Variants in TMC2 observed in about 807,000 individuals in gnomAD.
TMC2 encodes transmembrane channel like 2.
TMC2 carries 102 observed loss-of-function variants against 105.9 expected under a neutral mutation model. The observed-to-expected ratio is 0.96, with a 90% CI of 0.82 to 1.14. TMC2 has a LOEUF of 1.14. Among genes scored for constraint, TMC2 ranks in the 50% most tolerant of loss-of-function variants. TMC2 has a pLI of 0.00. For missense variants in TMC2, 1,093 were observed against 1,134.3 expected, an observed-to-expected ratio of 0.96 and a Z score of 0.52; for synonymous variants, 402 against 422.8, an observed-to-expected ratio of 0.95 and a Z score of 0.60.
Position 2,617,078 on chromosome 20 carries a change from C to T in TMC2, c.1947C>T (p.Gly649=), listed in dbSNP as rs544224079. The T allele has an allele frequency of 7.4e-6, 12 of 1,614,182 alleles. No homozygotes were observed. Among genetic ancestry groups the T allele is most frequent in the South Asian group, 5.5e-5 (5 of 91,080 alleles). ...LIFNQGMIWM[G]SFYAPGLVGI... ...TTGGTTTCTGCCATTCCAGGATGGG[C>T]TCCTTCTATGCTCCAGGCCTGGTGG... The change falls in exon 16 of 20, where the codon GGC becomes GGT. Residue 649 remains glycine (G), a synonymous_variant. Transcript: ENST00000358864.
chr20:2,567,427 G>A (rs73087347), intron 4 of TMC2, among the ~76,000 whole-genome samples: 1 of 152,146 alleles, frequency 6.6e-6, no homozygotes, highest in Non-Finnish European at 1.5e-5. Flanking sequence ...AAAAGTCCAG[G>A]TTTCAATTAA....
chr20:2,631,625 T>C lies in TMC2; in HGVS notation c.2307-4301T>C, dbSNP rs73077275. ...CTCCATGGTTTATATGAAAAAACAA[T>C]TGACTGTTAATCTTTCTGAGGCTTT... is the stretch of plus-strand genomic sequence containing the variant. On this transcript the variant is annotated intron_variant, in intron 17 of 19. Transcript: ENST00000358864. Among the ~76,000 whole-genome samples the C allele has an allele frequency of 4.4e-3, 677 of 152,310 alleles. 2 individuals carry two copies. The highest frequency in any genetic ancestry group is 7.8e-3 in the Non-Finnish European group (528 of 68,026).
At chr20:2,541,589 C>T (rs2085890017) in intron 2 of TMC2, among the ~76,000 whole-genome samples, 1 of 151,216 alleles carries the variant, frequency 6.6e-6, no homozygotes, top group South Asian at 2.1e-4. Flanking sequence ...TGCAGTGAGC[C>T]CAGATTGCAC....
At chr20:2,545,531 C>T (rs1176429428) in intron 2 of TMC2, among the ~76,000 whole-genome samples, 1 of 152,168 alleles carries the variant, frequency 6.6e-6, no homozygotes, top group Non-Finnish European at 1.5e-5. Context: ...GCCATTCAGT[C>T]ATCTGGTTTT....
chr20:2,576,657 A>C (rs73585320), intron 5 of TMC2, among the ~76,000 whole-genome samples: 2 of 152,126 alleles, frequency 1.3e-5, no homozygotes, highest in African/African-American at 4.8e-5. Context: ...ATTAACTTAC[A>C]AGAAGAAATA....
At chr20:2,593,667 C>T (rs2086284569) in intron 8 of TMC2, among the ~76,000 whole-genome samples, 1 of 152,130 alleles carries the variant, frequency 6.6e-6, no homozygotes, top group African/African-American at 2.4e-5. Context: ...GAATAACGTC[C>T]TCCCTTTACT....
intron 17 of TMC2, among the ~76,000 whole-genome samples, chr20:2,634,627 G>A (rs1199664052): frequency 1.3e-5 from 2 of 152,128 alleles, no homozygotes; most frequent in African/African-American, 4.8e-5. Context: ...ACCTTGGGAG[G>A]TACATAGCCA....
chr20:2,541,506 T>G (rs933137042), intron 2 of TMC2, among the ~76,000 whole-genome samples: 3 of 151,966 alleles, frequency 2.0e-5, no homozygotes, highest in African/African-American at 7.3e-5. Flanking sequence ...GCAGGTGTGG[T>G]GGCACACACC....
chr20:2,610,738 T>C (rs923128536), intron 12 of TMC2, 140 bp downstream of exon 12: 6 of 451,536 alleles, frequency 1.3e-5, no homozygotes, highest in Non-Finnish European at 1.3e-5. Context: ...AAAAAAAAAC[T>C]CCTTGGACTC....
chr20:2,563,979 C>A (rs946533345), intron 4 of TMC2, among the ~76,000 whole-genome samples: 3 of 152,148 alleles, frequency 2.0e-5, no homozygotes, highest in Non-Finnish European at 2.9e-5. Context: ...CCTCCCACCT[C>A]AGCTTCCCCA....
rs148376760 is a variant in TMC2, at chr20:2,634,527, AT to A, written c.2307-1397del. 5.4e-3 allele frequency among the ~76,000 whole-genome samples: 829 copies of A among 152,282 alleles called. 9 individuals carry two copies. The highest frequency in any genetic ancestry group is 0.019 in the African/African-American group (789 of 41,550). On this transcript the variant is annotated intron_variant, in intron 17 of 19. Coordinates refer to ENST00000358864, the MANE Select transcript of TMC2 (RefSeq NM_080751.3). ...GGATGACATGATAGTGACAATCTGG[AT>A]TGCCTTGTGCCCTCCTGGGGAAATT...
chr20:2,560,186 T>G (rs1032020995), intron 3 of TMC2, among the ~76,000 whole-genome samples: 1 of 151,842 alleles, frequency 6.6e-6, no homozygotes, highest in Middle Eastern at 3.2e-3. Flanking sequence ...TGACTGAATG[T>G]CCAACACCCC....
intron 4 of TMC2, among the ~76,000 whole-genome samples, chr20:2,567,713 A>G (rs1243995362): frequency 6.6e-6 from 1 of 152,186 alleles, no homozygotes; most frequent in African/African-American, 2.4e-5. Flanking sequence ...TTTTAAAGCA[A>G]CCATCATAAA....
intron 19 of TMC2, among the ~76,000 whole-genome samples, chr20:2,638,137 C>T (rs6076382): frequency 0.75 from 114,067 of 152,032 alleles, 42,952 homozygotes; most frequent in East Asian, 0.86. Flanking sequence ...GTCAGGAGAT[C>T]GAGGCCATCC....
intron 12 of TMC2, 92 bp downstream of exon 12, chr20:2,610,690 TATTA>T (rs1465107754): frequency 2.4e-5 from 17 of 706,618 alleles, no homozygotes; most frequent in African/African-American, 1.1e-4. Context: ...ATATAATTCA[TATTA>T]ATTAAATAAA....
intron 16 of TMC2, among the ~76,000 whole-genome samples, chr20:2,620,656 C>A (rs774204638): frequency 6.6e-6 from 1 of 152,166 alleles, no homozygotes; most frequent in Non-Finnish European, 1.5e-5. Flanking sequence ...TCATTGGCCT[C>A]CCAGAATTCT....
intron 8 of TMC2, among the ~76,000 whole-genome samples, chr20:2,593,192 T>C (rs1568516985): frequency 6.6e-6 from 1 of 152,066 alleles, no homozygotes; most frequent in Non-Finnish European, 1.5e-5. Flanking sequence ...GCCAGAAACT[T>C]ATCAGAACAA....
intron 5 of TMC2, 22 bp from the exon 6 acceptor site, chr20:2,579,124 A>G: frequency 1.5e-6 from 2 of 1,356,160 alleles, no homozygotes; most frequent in Non-Finnish European, 2.1e-6. Flanking sequence ...AGGAACTGAG[A>G]GTTTTACGTC....
intron 3 of TMC2, among the ~76,000 whole-genome samples, chr20:2,560,700 G>T (rs2122831745): frequency 6.6e-6 from 1 of 152,294 alleles, no homozygotes; most frequent in Non-Finnish European, 1.5e-5. Flanking sequence ...AGCCAGGCGT[G>T]GTGGCGGGTG....
Sources: allele counts gnomAD v4.1 joint callset (sites outside exome capture counted in the v4.1 genomes callset), GRCh38; gene constraint gnomAD v4.1.1; transcripts MANE v1.5; gene names NCBI Gene and HGNC (gene_info 2026-07-23, HGNC 2026-07-21).